PCDHGB6: variants seen among roughly 807,000 people sequenced by gnomAD.
PCDHGB6 encodes protocadherin gamma-B6.
PCDHGB6 carries 51 observed loss-of-function variants against 59.1 expected under a neutral mutation model. The observed-to-expected ratio is 0.86, with a 90% CI of 0.69 to 1.09. The LOEUF is 1.09. Among genes scored for constraint, PCDHGB6 ranks in the 50% least tolerant of loss-of-function variants. PCDHGB6 has a pLI of 0.00. For missense variants in PCDHGB6, 1,148 were observed against 1,205.1 expected (o/e 0.95, Z 0.70); for synonymous variants, 466 against 495.1 (o/e 0.94, Z 0.78).
intron 1 of PCDHGB6, chr5:141,427,653 G>A (rs1221862562): frequency 4.1e-6 from 3 of 725,570 alleles, no homozygotes; most frequent in Non-Finnish European, 4.9e-6. Flanking sequence ...CTCCTACGTG[G>A]TCCACGTGGC....
In PCDHGB6 at chr5:141,485,124, C is replaced by A; in HGVS notation, c.2419-9683C>A. ...GCTGCTGTGGCTGTTTGGGGCGGGT[C>A]GGCTTCATCCGCGTCTCAGGAGCAA... is the stretch of plus-strand genomic sequence containing the variant. On this transcript the variant is annotated intron_variant, in intron 1 of 3. Transcript: ENST00000520790. The surrounding 1 kb of genome is among the most constrained non-coding windows in gnomAD (Gnocchi z 5.7). 2 of 1,390,136 alleles carry A rather than the reference C, an allele frequency of 1.4e-6. No homozygotes were observed. The highest frequency in any genetic ancestry group is 2.5e-5 in the South Asian group (2 of 80,180). 86.1% of individuals were successfully genotyped at this position (1,390,136 alleles called of 1,614,324 possible). A position where few individuals can be genotyped will look rare whatever the true frequency, so the allele number is the denominator to read the frequency against.
chr5:141,433,228 C>G (rs2097577964), intron 1 of PCDHGB6: 7 of 1,522,184 alleles, frequency 4.6e-6, no homozygotes, highest in Non-Finnish European at 5.4e-6. Flanking sequence ...TTTAATTGCT[C>G]TGTCTCCCAA....
At chr5:141,458,496 A>G (rs905073741) in intron 1 of PCDHGB6, among the ~76,000 whole-genome samples, 1 of 151,694 alleles carries the variant, frequency 6.6e-6, no homozygotes, top group Non-Finnish European at 1.5e-5. Flanking sequence ...CTGCCTGTAC[A>G]TACTGTTTGA....
In PCDHGB6 at chr5:141,421,902, C is replaced by T. The variant is rs1218675162; in HGVS notation, c.2418+11282C>T. 4 of 1,613,706 alleles carry T rather than the reference C, an allele frequency of 2.5e-6. No homozygotes were observed. The South Asian group carries it at 3.3e-5, about 13-fold the overall frequency. On this transcript the variant is annotated intron_variant, in intron 1 of 3. Coordinates refer to ENST00000520790, the MANE Select transcript of PCDHGB6 (RefSeq NM_018926.3). Reference sequence around the variant, plus strand: ...ATGGAGGCGATCCCATCCGAAAGGGCGCAGTTCCCATTCGTGTGGTGGTCC... The same window carrying T: ...ATGGAGGCGATCCCATCCGAAAGGGTGCAGTTCCCATTCGTGTGGTGGTCC...
Position 141,465,218 on chromosome 5 carries a change from A to G in PCDHGB6, c.2419-29589A>G, listed in dbSNP as rs151158068. ...ATAAAAATATAAGCTTTATTTTTCA[A>G]CATGAGCTCCATCAAGTTCAAGGCA... On this transcript the variant is annotated intron_variant, in intron 1 of 3. Coordinates refer to ENST00000520790, the MANE Select transcript of PCDHGB6 (RefSeq NM_018926.3). Among the ~76,000 whole-genome samples, 591 of 152,288 alleles carry G rather than the reference A, an allele frequency of 3.9e-3. 6 individuals carry two copies. The highest frequency in any genetic ancestry group is 0.011 in the Admixed American group (171 of 15,290).
In PCDHGB6 at chr5:141,476,824, C is replaced by A; in HGVS notation, c.2419-17983C>A. On this transcript the variant is annotated intron_variant, in intron 1 of 3. Coordinates refer to ENST00000520790, the MANE Select transcript of PCDHGB6 (RefSeq NM_018926.3). This position sits in a 1 kb window ranked among gnomAD's most constrained non-coding sequence, Gnocchi z 7.6. Reference sequence around the variant, plus strand: ...TGCCTATTCACATCAAGGTGCTGGACGCGAATGACAATGCGCCTGTCTTCA... The same window carrying A: ...TGCCTATTCACATCAAGGTGCTGGAAGCGAATGACAATGCGCCTGTCTTCA... The A allele has an allele frequency of 1.2e-6, 2 of 1,613,588 alleles. No individual in the cohort carries two copies. The highest frequency in any genetic ancestry group is 1.7e-6 in the Non-Finnish European group (2 of 1,180,036).
At chr5:141,484,287 C>T (rs1432341538) in intron 1 of PCDHGB6, among the ~76,000 whole-genome samples, 1 of 152,268 alleles carries the variant, frequency 6.6e-6, no homozygotes, top group Non-Finnish European at 1.5e-5. Context: ...GAAACATCTC[C>T]CTCTCCTGGC....
rs538734954 is a variant in PCDHGB6 at position 141,494,863 on chromosome 5, C to T, written c.2475C>T (p.Ser825=). The change falls in exon 2 of 4, where the codon AGC becomes AGT. Residue 825 remains serine, a splice_region_variant and synonymous_variant. Coordinates refer to ENST00000520790, the MANE Select transcript of PCDHGB6 (RefSeq NM_018926.3). The part of the protein sequence containing the change: ...RFSQAQRPGT[S]GSQNGDDTGT... ...CTCAGGCCCAGAGACCCGGCACCAG[C>T]GGGTAGGTGACTGATTCTCCAGCCC... 2 of 1,614,118 alleles carry T rather than the reference C, an allele frequency of 1.2e-6. No individual in the cohort carries two copies. Among genetic ancestry groups the T allele is most frequent in the East Asian group, 2.2e-5 (1 of 44,874 alleles).
chr5:141,502,601 A>G (rs2099815205), intron 2 of PCDHGB6, among the ~76,000 whole-genome samples: 1 of 152,218 alleles, frequency 6.6e-6, no homozygotes, highest in Non-Finnish European at 1.5e-5. Flanking sequence ...ATATTTTAAA[A>G]TATTTGTGAA....
At position 141,489,099 on chromosome 5, in the gene PCDHGB6, G is replaced by C; in HGVS notation, c.2419-5708G>C. 5.5e-6 allele frequency: 2 copies of C among 361,982 alleles called. No homozygotes were observed. The highest frequency in any genetic ancestry group is 5.0e-5 in the South Asian group (1 of 19,862). 22.4% of individuals were successfully genotyped at this position (361,982 alleles called of 1,614,324 possible). On this transcript the variant is annotated intron_variant, in intron 1 of 3. Coordinates refer to ENST00000520790, the MANE Select transcript of PCDHGB6 (RefSeq NM_018926.3). The surrounding 1 kb of genome is among the most constrained non-coding windows in gnomAD (Gnocchi z 4.5). Reference sequence around the variant, plus strand: ...CCCCGCCACTCGGTGACTAAGAACTGCTGCAAGCAGGCAAACCTCCGAGCA... The same window carrying C: ...CCCCGCCACTCGGTGACTAAGAACTCCTGCAAGCAGGCAAACCTCCGAGCA...
chr5:141,475,013 G>C (rs950376592), intron 1 of PCDHGB6, among the ~76,000 whole-genome samples: 1 of 152,176 alleles, frequency 6.6e-6, no homozygotes, highest in Non-Finnish European at 1.5e-5. Flanking sequence ...AAAAGTTAAG[G>C]CTCTTTATTC....
At chr5:141,495,089 C>G (rs1440289878) in intron 2 of PCDHGB6, among the ~76,000 whole-genome samples, 2 of 152,284 alleles carry the variant, frequency 1.3e-5, no homozygotes, top group East Asian at 3.9e-4. Flanking sequence ...TGCCCCTTCC[C>G]TCCTCGCCAC....
At chr5:141,455,583 A>G (rs1485134189) in intron 1 of PCDHGB6, among the ~76,000 whole-genome samples, 4 of 152,144 alleles carry the variant, frequency 2.6e-5, no homozygotes, top group Non-Finnish European at 2.9e-5. Context: ...CCAGCCTTTT[A>G]ATATGCAAAC....
At chr5:141,501,147 G>A (rs1166199034) in intron 2 of PCDHGB6, among the ~76,000 whole-genome samples, 1 of 152,142 alleles carries the variant, frequency 6.6e-6, no homozygotes, top group Non-Finnish European at 1.5e-5. Context: ...GATTACAGGT[G>A]GGAGCCACCA....
chr5:141,485,735 G>C lies in PCDHGB6; in HGVS notation c.2419-9072G>C, dbSNP rs1562107417. ...ACTGGATGTGAAGAAGCGCAGCGAC[G>C]GCAGCCTGGTCCCAGAGCTGCTCCT... is the stretch of plus-strand genomic sequence containing the variant. On this transcript the variant is annotated intron_variant, in intron 1 of 3. Coordinates refer to ENST00000520790, the MANE Select transcript of PCDHGB6 (RefSeq NM_018926.3). This position sits in a 1 kb window ranked among gnomAD's most constrained non-coding sequence, Gnocchi z 5.7. 2.5e-6 allele frequency: 4 copies of C among 1,614,048 alleles called. No individual in the cohort carries two copies. The highest frequency in any genetic ancestry group is 3.4e-6 in the Non-Finnish European group (4 of 1,180,044).
chr5:141,507,522 C>G (rs560304194), intron 3 of PCDHGB6, among the ~76,000 whole-genome samples: 365 of 152,096 alleles, frequency 2.4e-3, no homozygotes, highest in African/African-American at 8.1e-3. Context: ...GCTATGATTC[C>G]AGAGAGGCCA....
At chr5:141,425,209 A>G (rs2096861765) in intron 1 of PCDHGB6, among the ~76,000 whole-genome samples, 1 of 152,180 alleles carries the variant, frequency 6.6e-6, no homozygotes, top group African/African-American at 2.4e-5. Context: ...GATGTAAGGC[A>G]TTGTACTTTG....
intron 1 of PCDHGB6, among the ~76,000 whole-genome samples, chr5:141,474,061 T>A (rs2099339173): frequency 1.3e-5 from 2 of 152,058 alleles, no homozygotes; most frequent in Admixed American, 6.6e-5. Flanking sequence ...CAGAGCGAGA[T>A]CCTGCCTCAG....
chr5:141,413,372 G>T lies in PCDHGB6; in HGVS notation c.2418+2752G>T, dbSNP rs760934804. ...CTGGCGCCCCGGGAGCTGGCGGAGCGCGGAGTCCGCATAGTCTCCAGAGGT... is the reference window on the plus strand; with the variant it reads ...CTGGCGCCCCGGGAGCTGGCGGAGCTCGGAGTCCGCATAGTCTCCAGAGGT... On this transcript the variant is annotated intron_variant, in intron 1 of 3. Transcript: ENST00000520790. The T allele has an allele frequency of 1.9e-6, 3 of 1,613,950 alleles. No individual in the cohort carries two copies. The South Asian group carries it at 3.3e-5, about 18-fold the overall frequency.
Sources: gnomAD v4.1 joint callset for allele counts (sites outside exome capture counted in the v4.1 genomes callset) on GRCh38, gnomAD v4.1.1 for gene constraint, Gnocchi (gnomAD v3.1) non-coding constraint, MANE v1.5 for transcripts, NCBI Gene and HGNC (gene_info 2026-07-23, HGNC 2026-07-21) for gene names.